DTX4: variants seen among roughly 807,000 people sequenced by gnomAD.
DTX4 encodes the protein E3 ubiquitin-protein ligase DTX4.
DTX4 carries 28 observed loss-of-function variants against 57.6 expected under a neutral mutation model. That is an observed-to-expected ratio of 0.49 (90% CI 0.36 to 0.67). DTX4 has a LOEUF of 0.67. Among genes scored for constraint, DTX4 ranks in the 30% least tolerant of loss-of-function variants. The pLI, the probability that DTX4 is intolerant of heterozygous loss-of-function variation, is 0.00. For missense variants in DTX4, 715 were observed against 836.8 expected, an observed-to-expected ratio of 0.85 and a Z score of 1.80; for synonymous variants, 316 against 331.0, an observed-to-expected ratio of 0.95 and a Z score of 0.49.
Position 59,182,075 on chromosome 11 carries a change from C to A in DTX4, c.548C>A (p.Ser183Ter). ...CCAGTCAGCCCTGGGCCAGCCACCT[C>A]GCCCCCCATGTCCCCCTGCTCCTGT... is the stretch of plus-strand genomic sequence containing the variant. ...SWPVSPGPAT[S>*]PPMSPCSCPQ... Residue 183 changes from serine to a stop codon, truncating the protein, a stop_gained, in exon 2 of 9, where the codon TCG becomes TAG. Transcript: ENST00000227451. LOFTEE classifies it high-confidence loss of function. The A allele has an allele frequency of 6.2e-7, 1 of 1,612,240 alleles. No individual in the cohort carries two copies. Among genetic ancestry groups the A allele is most frequent in the Non-Finnish European group, 8.5e-7 (1 of 1,178,816 alleles).
At chr11:59,188,266 G>A (rs1862551210) in intron 2 of DTX4, among the ~76,000 whole-genome samples, 1 of 152,082 alleles carries the variant, frequency 6.6e-6, no homozygotes, top group Non-Finnish European at 1.5e-5. Flanking sequence ...TGGAGGGGTG[G>A]GTAGCAATAT....
At position 59,206,508 on chromosome 11, in the gene DTX4, C is replaced by CATATATATATATAT. The variant is rs1412393714; in HGVS notation, c.*1599_*1600insATATATATATATAT. 1 of 75,708 alleles carries CATATATATATATAT rather than the reference C, an allele frequency of 1.3e-5. No homozygotes were observed. The highest frequency in any genetic ancestry group is 7.8e-3 in the Middle Eastern group (1 of 128). 4.7% of individuals were successfully genotyped at this position (75,708 alleles called of 1,614,324 possible). A position where few individuals can be genotyped will look rare whatever the true frequency, so the allele number is the denominator to read the frequency against. Reference sequence around the variant, plus strand: ...TATACCTCATGTTTTGGGGGTTTGACGTATATATATATATATATATATGCA... The same window carrying CATATATATATATAT: ...TATACCTCATGTTTTGGGGGTTTGACATATATATATATATGTATATATATATATATATATATGCA... On this transcript the variant is annotated 3_prime_UTR_variant, in exon 9 of 9. Transcript: ENST00000227451.
upstream of DTX4, among the ~76,000 whole-genome samples, chr11:59,171,949 G>A (rs111476450): frequency 8.7e-4 from 132 of 152,286 alleles, no homozygotes; most frequent in African/African-American, 2.9e-3. Flanking sequence ...TCTGCATCAA[G>A]GAACCAGGGA....
chr11:59,186,470 A>T (rs1215534717), intron 2 of DTX4, among the ~76,000 whole-genome samples: 1 of 152,128 alleles, frequency 6.6e-6, no homozygotes, highest in Non-Finnish European at 1.5e-5. Context: ...CCTGCTGGGG[A>T]GCTGGGAGCA....
chr11:59,203,622 T>C (rs1862765473), intron 8 of DTX4, among the ~76,000 whole-genome samples: 1 of 152,242 alleles, frequency 6.6e-6, no homozygotes, highest in Non-Finnish European at 1.5e-5. Flanking sequence ...CAGTTAACTT[T>C]TCTTTTCGTA....
chr11:59,176,038 G>C (rs377321704), intron 1 of DTX4, among the ~76,000 whole-genome samples: 6 of 152,176 alleles, frequency 3.9e-5, no homozygotes, highest in African/African-American at 1.4e-4. Flanking sequence ...GTAAAGGAGC[G>C]TTCTTTCCAG....
Position 59,204,613 on chromosome 11 carries a change from C to G in DTX4, c.1627-63C>G. On this transcript the variant is annotated intron_variant, in intron 8 of 8. Coordinates refer to ENST00000227451, the MANE Select transcript of DTX4 (RefSeq NM_015177.2). ...GCCCTTGGGAGGATTCTCTACCGTC[C>G]AAGGGATAGTCTTTGACTGCCAATT... 3.4e-6 allele frequency: 5 copies of G among 1,463,412 alleles called. No homozygotes were observed. In the South Asian group the frequency reaches 3.7e-5, roughly 11 times the overall value. The allele number at this position is 1,463,412 out of a possible 1,614,324, so 90.7% of individuals were successfully genotyped here.
At chr11:59,202,402 T>C (rs998518522) in intron 8 of DTX4, among the ~76,000 whole-genome samples, 1 of 152,270 alleles carries the variant, frequency 6.6e-6, no homozygotes, top group African/African-American at 2.4e-5. Flanking sequence ...ATGATTTGCA[T>C]CTGTATGGAC....
chr11:59,173,492 G>A (rs1414992424), intron 1 of DTX4, among the ~76,000 whole-genome samples: 1 of 152,208 alleles, frequency 6.6e-6, no homozygotes, highest in Non-Finnish European at 1.5e-5. Flanking sequence ...GCAACAGGCC[G>A]GAGCAGATGG....
intron 1 of DTX4, among the ~76,000 whole-genome samples, chr11:59,176,285 C>T (rs1862394665): frequency 6.6e-6 from 1 of 152,210 alleles, no homozygotes; most frequent in Non-Finnish European, 1.5e-5. Context: ...TGGCAAGCAC[C>T]TTGCACACAC....
intron 6 of DTX4, among the ~76,000 whole-genome samples, chr11:59,193,548 C>G (rs961070519): frequency 5.3e-5 from 8 of 152,132 alleles, no homozygotes; most frequent in Admixed American, 6.5e-5. Context: ...AAAGGGGTTT[C>G]TTAGCACATT....
intron 2 of DTX4, among the ~76,000 whole-genome samples, chr11:59,183,841 G>A (rs1862495564): frequency 6.6e-6 from 1 of 152,224 alleles, no homozygotes; most frequent in African/African-American, 2.4e-5. Flanking sequence ...GAGTTATCGT[G>A]AAAACCTCCA....
At chr11:59,185,648 T>C (rs569014829) in intron 2 of DTX4, among the ~76,000 whole-genome samples, 3 of 152,222 alleles carry the variant, frequency 2.0e-5, no homozygotes, top group African/African-American at 7.2e-5. Context: ...GTTTAACCAG[T>C]AATAGTGGGG....
chr11:59,172,925 A>G lies in DTX4; in HGVS notation c.211+119A>G, dbSNP rs1319762582. On this transcript the variant is annotated intron_variant, in intron 1 of 8. Coordinates refer to ENST00000227451, the MANE Select transcript of DTX4 (RefSeq NM_015177.2). ...GTCGGCACTTCTGTGCAGCAGTGTCACCAAGAGGTGGTGGTGGGAGGCGAT... is the reference window on the plus strand; with the variant it reads ...GTCGGCACTTCTGTGCAGCAGTGTCGCCAAGAGGTGGTGGTGGGAGGCGAT... 1.5e-4 allele frequency: 105 copies of G among 685,488 alleles called. 1 individual carries two copies. The highest frequency in any genetic ancestry group is 2.3e-4 in the Non-Finnish European group (99 of 433,804). The allele number at this position is 685,488 out of a possible 1,614,324, so 42.5% of individuals were successfully genotyped here.
chr11:59,179,368 A>G (rs920731093), intron 1 of DTX4, among the ~76,000 whole-genome samples: 59 of 152,242 alleles, frequency 3.9e-4, no homozygotes, highest in African/African-American at 1.4e-3. Flanking sequence ...CTGCTGGTCC[A>G]AGATAAAACC....
At chr11:59,195,757 A>G (rs910483206) in intron 7 of DTX4, among the ~76,000 whole-genome samples, 1 of 152,170 alleles carries the variant, frequency 6.6e-6, no homozygotes, top group East Asian at 1.9e-4. Flanking sequence ...ATGTACCACT[A>G]TTTGCATTCA....
intron 2 of DTX4, among the ~76,000 whole-genome samples, chr11:59,183,123 A>T (rs571290070): frequency 6.6e-6 from 1 of 152,340 alleles, no homozygotes; most frequent in Admixed American, 6.5e-5. Context: ...ATAGCTAATC[A>T]TTGGCAGAGA....
At chr11:59,202,826 A>T (rs1229834965) in intron 8 of DTX4, among the ~76,000 whole-genome samples, 1 of 152,236 alleles carries the variant, frequency 6.6e-6, no homozygotes, top group Admixed American at 6.5e-5. Flanking sequence ...AGACAGCTTC[A>T]TCATCATACA....
At chr11:59,174,968 C>T (rs757869184) in intron 1 of DTX4, among the ~76,000 whole-genome samples, 2 of 152,174 alleles carry the variant, frequency 1.3e-5, no homozygotes, top group Non-Finnish European at 2.9e-5. Flanking sequence ...CTGGGTGCTG[C>T]GGACACTGGG....
Sources: allele counts gnomAD v4.1 joint callset (sites outside exome capture counted in the v4.1 genomes callset), GRCh38; gene constraint gnomAD v4.1.1; transcripts MANE v1.5; gene names NCBI Gene and HGNC (gene_info 2026-07-23, HGNC 2026-07-21).